ATP2B2: variants seen among roughly 807,000 people sequenced by gnomAD.
The protein encoded by ATP2B2 is plasma membrane calcium-transporting ATPase 2.
ATP2B2 carries 15 observed loss-of-function variants against 120.0 expected under a neutral mutation model. The ratio of observed to expected loss-of-function variants is 0.12; its 90% confidence interval spans 0.08 to 0.19. The LOEUF is 0.19. Among genes scored for constraint, ATP2B2 ranks in the 10% least tolerant of loss-of-function variants. The pLI is 1.00. For missense variants in ATP2B2, 1,045 were observed against 1,719.8 expected (o/e 0.61, Z 6.94); for synonymous variants, 694 against 700.3 (o/e 0.99, Z 0.14).
intron 1 of ATP2B2, among the ~76,000 whole-genome samples, chr3:10,479,582 C>T (rs531277114): frequency 6.6e-6 from 1 of 152,032 alleles, no homozygotes; most frequent in Non-Finnish European, 1.5e-5. Flanking sequence ...CCTCCTAGGC[C>T]CAGACTCTGC....
At chr3:10,412,640 C>T (rs1332488211) in intron 2 of ATP2B2, among the ~76,000 whole-genome samples, 1 of 152,142 alleles carries the variant, frequency 6.6e-6, no homozygotes, top group Non-Finnish European at 1.5e-5. Context: ...CACAGTCTTC[C>T]CCGCAGCAGG....
At chr3:10,531,854 G>A (rs887199867) in intron 3 of ATP2B2, among the ~76,000 whole-genome samples, 1 of 152,038 alleles carries the variant, frequency 6.6e-6, no homozygotes, top group East Asian at 1.9e-4. Flanking sequence ...GATTCCTACT[G>A]GCCATCAGGT....
At chr3:10,613,485 G>T (rs996748581) in intron 2 of ATP2B2, among the ~76,000 whole-genome samples, 3 of 152,086 alleles carry the variant, frequency 2.0e-5, no homozygotes, top group Non-Finnish European at 2.9e-5. Flanking sequence ...CCTTTAACTT[G>T]TGGGGTCTGC....
intron 2 of ATP2B2, among the ~76,000 whole-genome samples, chr3:10,616,224 AG>A (rs1367880873): frequency 3.9e-5 from 6 of 152,286 alleles, no homozygotes; most frequent in African/African-American, 1.4e-4. Flanking sequence ...ATTTGGATAT[AG>A]GGTTTTTAAA....
chr3:10,643,611 C>G (rs933164649), intron 1 of ATP2B2, among the ~76,000 whole-genome samples: 2 of 152,174 alleles, frequency 1.3e-5, no homozygotes, highest in South Asian at 2.1e-4. Flanking sequence ...GCTAAGAACA[C>G]GTAACTGGAA....
chr3:10,630,262 T>A (rs571571830), intron 1 of ATP2B2, among the ~76,000 whole-genome samples: 1 of 152,212 alleles, frequency 6.6e-6, no homozygotes, highest in African/African-American at 2.4e-5. Context: ...TTTCATCACT[T>A]AAGTATTAAG....
intron 2 of ATP2B2, among the ~76,000 whole-genome samples, chr3:10,579,950 C>T (rs2068349317): frequency 6.6e-6 from 1 of 152,208 alleles, no homozygotes; most frequent in African/African-American, 2.4e-5. Context: ...GTTTCTAACG[C>T]CTCCTGGCAG....
intron 2 of ATP2B2, among the ~76,000 whole-genome samples, chr3:10,436,463 A>G (rs953824664): frequency 2.6e-5 from 4 of 152,212 alleles, no homozygotes; most frequent in Non-Finnish European, 5.9e-5. Flanking sequence ...GCAAAAGAGG[A>G]TTCCCTCGCA....
At chr3:10,372,125 G>A (rs959185693) in intron 11 of ATP2B2, 74 bp from the exon 12 acceptor site, 5 of 1,600,010 alleles carry the variant, frequency 3.1e-6, no homozygotes, top group African/African-American at 2.7e-5. Flanking sequence ...GGAGGCACTG[G>A]GTAAACATGC....
chr3:10,532,830 AG>A (rs1321903899), intron 3 of ATP2B2, among the ~76,000 whole-genome samples: 1 of 152,326 alleles, frequency 6.6e-6, no homozygotes, highest in South Asian at 2.1e-4. Flanking sequence ...ACTCATCTTC[AG>A]GCAGGCACAA....
At chr3:10,627,325 A>G (rs1013318152) in intron 1 of ATP2B2, among the ~76,000 whole-genome samples, 2 of 152,202 alleles carry the variant, frequency 1.3e-5, no homozygotes, top group Non-Finnish European at 2.9e-5. Flanking sequence ...CAGCTTATGG[A>G]AAGGAGAGAA....
chr3:10,483,980 C>T (rs1046018107), intron 1 of ATP2B2, among the ~76,000 whole-genome samples: 3 of 152,326 alleles, frequency 2.0e-5, no homozygotes, highest in Middle Eastern at 3.4e-3. Context: ...AAGAAAGATG[C>T]CCCCTGGGGA....
At chr3:10,376,205 CAA>C (rs1301507081) in intron 10 of ATP2B2, among the ~76,000 whole-genome samples, 1 of 151,810 alleles carries the variant, frequency 6.6e-6, no homozygotes, top group East Asian at 1.9e-4. Flanking sequence ...AGACAAGAAA[CAA>C]AAAAACGAAT....
At chr3:10,363,909 T>C (rs978756589) in intron 12 of ATP2B2, among the ~76,000 whole-genome samples, 13 of 152,180 alleles carry the variant, frequency 8.5e-5, no homozygotes, top group African/African-American at 3.1e-4. Context: ...AAACAGGTAC[T>C]CAAAGAAATA....
chr3:10,384,274 T>C (rs111302061), intron 8 of ATP2B2, among the ~76,000 whole-genome samples: 4 of 152,112 alleles, frequency 2.6e-5, no homozygotes, highest in African/African-American at 7.2e-5. Flanking sequence ...TATGATATAA[T>C]GGATGAGAAA....
At chr3:10,389,803 A>G (rs1235605569) in intron 5 of ATP2B2, among the ~76,000 whole-genome samples, 1 of 152,196 alleles carries the variant, frequency 6.6e-6, no homozygotes, top group African/African-American at 2.4e-5. Context: ...AAAATTGGAA[A>G]AAAAAGCCCC....
Position 10,375,370 on chromosome 3 carries a change from C to G in ATP2B2, c.1416+60G>C. 2.8e-6 allele frequency: 4 copies of G among 1,446,812 alleles called. No individual in the cohort carries two copies. The highest frequency in any genetic ancestry group is 3.9e-6 in the Non-Finnish European group (4 of 1,037,568). 89.6% of individuals were successfully genotyped at this position (1,446,812 alleles called of 1,614,324 possible). On this transcript the variant is annotated intron_variant, in intron 11 of 22. Transcript: ENST00000360273. This position sits in a 1 kb window ranked among gnomAD's most constrained non-coding sequence, Gnocchi z 4.2. ...AACCCCAGCACCAGCCCCAGTGATT[C>G]CCCCAGGCCCTCAGCTGCAGCTGCA...
At chr3:10,608,574 C>T (rs554816087) in intron 2 of ATP2B2, among the ~76,000 whole-genome samples, 2 of 152,230 alleles carry the variant, frequency 1.3e-5, no homozygotes, top group East Asian at 1.9e-4. Flanking sequence ...CTGCCGAGCC[C>T]GTCACCACAT....
chr3:10,478,459 G>A (rs900429330), intron 1 of ATP2B2, among the ~76,000 whole-genome samples: 2 of 152,144 alleles, frequency 1.3e-5, no homozygotes, highest in Admixed American at 6.5e-5. Context: ...TCAGTGTCAT[G>A]AAGCTTTCCC....
Sources: allele counts gnomAD v4.1 joint callset (sites outside exome capture counted in the v4.1 genomes callset), GRCh38; gene constraint gnomAD v4.1.1; non-coding constraint Gnocchi (gnomAD v3.1); transcripts MANE v1.5; gene names NCBI Gene and HGNC (gene_info 2026-07-23, HGNC 2026-07-21).